Variants in PDE8A observed in about 807,000 individuals in gnomAD.
PDE8A encodes the protein phosphodiesterase 8A.
Under a neutral mutation model 105.0 loss-of-function variants are expected in PDE8A, and 59 were observed. That is an observed-to-expected ratio of 0.56 (90% CI 0.46 to 0.70). PDE8A has a LOEUF of 0.70. Ranked by LOEUF, PDE8A falls within the 30% of genes least tolerant of loss-of-function variation. The probability of loss-of-function intolerance (pLI) is 0.00; values close to 1 mark genes in which losing one functional copy is unlikely to be tolerated. For synonymous variants in PDE8A, 355 were observed against 371.9 expected (o/e 0.95, Z 0.52); for missense variants, 1,014 against 1,045.9 (o/e 0.97, Z 0.42).
intron 3 of PDE8A, among the ~76,000 whole-genome samples, chr15:85,069,648 C>A (rs777720158): frequency 6.6e-6 from 1 of 152,128 alleles, no homozygotes; most frequent in Non-Finnish European, 1.5e-5. Context: ...GCTCCAGAAC[C>A]GAAAAGCTCA....
chr15:85,126,466 G>T lies in PDE8A; in HGVS notation c.2253+92G>T, dbSNP rs35114584. 2,838 of 984,662 alleles carry T rather than the reference G, an allele frequency of 2.9e-3. 7 individuals carry two copies. The highest frequency in any genetic ancestry group is 3.5e-3 in the Non-Finnish European group (2,571 of 728,746). 61.0% of individuals were successfully genotyped at this position (984,662 alleles called of 1,614,324 possible). A position where few individuals can be genotyped will look rare whatever the true frequency, so the allele number is the denominator to read the frequency against. On this transcript the variant is annotated intron_variant, in intron 20 of 21. Transcript: ENST00000394553. ...TAATGGACTTAACACTAGGAAATAG[G>T]GTTCTAAAAAAATTCTGTCCTTGTT...
chr15:85,032,182 A>T (rs187835850), intron 1 of PDE8A, among the ~76,000 whole-genome samples: 116 of 152,366 alleles, frequency 7.6e-4, no homozygotes, highest in African/African-American at 2.7e-3. Flanking sequence ...AGACAGTTTA[A>T]TGAAAACTCA....
intron 20 of PDE8A, among the ~76,000 whole-genome samples, chr15:85,126,878 A>G (rs1326362485): frequency 1.3e-5 from 2 of 152,188 alleles, no homozygotes; most frequent in Non-Finnish European, 2.9e-5. Context: ...ACTTATAAGA[A>G]AACAGTGATT....
chr15:85,001,029 C>G (rs1252037735), intron 1 of PDE8A, among the ~76,000 whole-genome samples: 2 of 152,148 alleles, frequency 1.3e-5, no homozygotes, highest in Admixed American at 6.5e-5. Context: ...GTTCCCCTGT[C>G]TAACACCCCC....
intron 1 of PDE8A, among the ~76,000 whole-genome samples, chr15:85,019,789 A>C (rs950799101): frequency 9.2e-5 from 14 of 152,090 alleles, no homozygotes. Context: ...TATGTTGGCC[A>C]GGCTGGTCTC....
chr15:85,111,791 T>C (rs1477621506), intron 12 of PDE8A, among the ~76,000 whole-genome samples: 3 of 152,248 alleles, frequency 2.0e-5, no homozygotes, highest in Non-Finnish European at 4.4e-5. Flanking sequence ...ATCTCAATAA[T>C]GGTGAGTCTT....
chr15:85,097,997 A>G lies in PDE8A; in HGVS notation c.902A>G (p.Gln301Arg). The G allele has an allele frequency of 6.2e-7, 1 of 1,604,656 alleles. No homozygotes were observed. The highest frequency in any genetic ancestry group is 1.3e-5 in the African/African-American group (1 of 74,872). Residue 301 changes from glutamine to arginine, a missense_variant, in exon 9 of 22, where the codon CAA (glutamine) becomes CGA (arginine). By Grantham distance (43) the Gln-to-Arg change is conservative (BLOSUM62 1). Coordinates refer to ENST00000394553, the MANE Select transcript of PDE8A (RefSeq NM_002605.3). ...AAAAAGAAAAACGGAGATAATATAC[A>G]ACAAAATGTGAAGATAATACCTGTC... ...YAKKKNGDNI[Q>R]QNVKIIPVIG... is the part of the protein sequence containing the mutation.
chr15:85,134,360 A>C (rs1012102591), intron 20 of PDE8A, among the ~76,000 whole-genome samples: 1 of 152,172 alleles, frequency 6.6e-6, no homozygotes, highest in Admixed American at 6.5e-5. Flanking sequence ...CGCCCAGGGC[A>C]CTGCTGTTTG....
chr15:85,036,714 C>T (rs2080712341), intron 1 of PDE8A, among the ~76,000 whole-genome samples: 1 of 152,092 alleles, frequency 6.6e-6, no homozygotes, highest in Non-Finnish European at 1.5e-5. Context: ...CCAGCTGAGG[C>T]ACTGCCTCAG....
At chr15:85,057,922 G>T (rs968441628) in intron 1 of PDE8A, among the ~76,000 whole-genome samples, 3 of 152,090 alleles carry the variant, frequency 2.0e-5, no homozygotes, top group Non-Finnish European at 1.5e-5. Context: ...CTTTTATTAT[G>T]CTGCTGAATT....
chr15:85,027,654 T>G (rs1421376866), intron 1 of PDE8A, among the ~76,000 whole-genome samples: 1 of 152,234 alleles, frequency 6.6e-6, no homozygotes. Context: ...TTGGGAATAG[T>G]GCGATTAAAT....
intron 1 of PDE8A, among the ~76,000 whole-genome samples, chr15:84,986,143 C>T (rs2079798591): frequency 6.6e-6 from 1 of 152,136 alleles, no homozygotes; most frequent in South Asian, 2.1e-4. Context: ...GGGAGGATCA[C>T]CTGAGGTAAG....
Position 85,107,069 on chromosome 15 carries a change from C to G in PDE8A, c.1037-1984C>G, listed in dbSNP as rs149660173. Among the ~76,000 whole-genome samples, 235 of 152,302 alleles carry G rather than the reference C, an allele frequency of 1.5e-3. 1 individual carries two copies. Among genetic ancestry groups the G allele is most frequent in the African/African-American group, 4.3e-3 (179 of 41,560 alleles). On this transcript the variant is annotated intron_variant, in intron 11 of 21. Transcript: ENST00000394553. ...CAAGAAGGCAAGACAATAAAGCAGG[C>G]TGTTACCCAGCACTGTTGGGGTGGT...
At chr15:85,033,875 A>C (rs1365389656) in intron 1 of PDE8A, among the ~76,000 whole-genome samples, 5 of 152,214 alleles carry the variant, frequency 3.3e-5, no homozygotes, top group Non-Finnish European at 5.9e-5. Context: ...AAAAAAAGAA[A>C]AACAAAAACA....
chr15:85,086,623 A>G (rs1251929386), intron 6 of PDE8A, among the ~76,000 whole-genome samples: 1 of 152,150 alleles, frequency 6.6e-6, no homozygotes, highest in Non-Finnish European at 1.5e-5. Flanking sequence ...ACATTTTTTT[A>G]TTTACCGTAT....
At chr15:85,119,429 T>C (rs1488751063) in intron 17 of PDE8A, among the ~76,000 whole-genome samples, 2 of 115,318 alleles carry the variant, frequency 1.7e-5, no homozygotes, top group Admixed American at 2.5e-4. Context: ...GATCATGCTA[T>C]TGCATTGCAG....
At chr15:85,002,177 G>A (rs1434936119) in intron 1 of PDE8A, among the ~76,000 whole-genome samples, 2 of 151,868 alleles carry the variant, frequency 1.3e-5, no homozygotes, top group African/African-American at 4.8e-5. Flanking sequence ...GGTTAAGGAG[G>A]CTGCCCCCCC....
At chr15:85,077,334 G>A (rs964372057) in intron 5 of PDE8A, among the ~76,000 whole-genome samples, 1 of 152,156 alleles carries the variant, frequency 6.6e-6, no homozygotes, top group Non-Finnish European at 1.5e-5. Flanking sequence ...GTTGCTTGGG[G>A]CTTTGGTCAG....
intron 1 of PDE8A, among the ~76,000 whole-genome samples, chr15:85,027,810 C>T (rs2141367600): frequency 6.6e-6 from 1 of 152,210 alleles, no homozygotes; most frequent in South Asian, 2.1e-4. Context: ...TTATTTACCA[C>T]TGATTTTTTT....
Sources: allele counts gnomAD v4.1 joint callset (sites outside exome capture counted in the v4.1 genomes callset), GRCh38; gene constraint gnomAD v4.1.1; transcripts MANE v1.5; gene names NCBI Gene and HGNC (gene_info 2026-07-23, HGNC 2026-07-21).